Variants in HSPA12A observed in about 807,000 individuals in gnomAD.
HSPA12A encodes heat shock 70 kDa protein 12A.
Under a neutral mutation model 69.2 loss-of-function variants are expected in HSPA12A, and 28 were observed. The observed-to-expected ratio is 0.40, with a 90% CI of 0.30 to 0.55. HSPA12A has a LOEUF of 0.55. Ranked by LOEUF, HSPA12A falls within the 20% of genes least tolerant of loss-of-function variation. The pLI, the probability that HSPA12A is intolerant of heterozygous loss-of-function variation, is 0.38. For missense variants in HSPA12A, 686 were observed against 900.7 expected (o/e 0.76, Z 3.05); for synonymous variants, 345 against 370.5 (o/e 0.93, Z 0.79).
chr10:116,750,674 G>A, intron 2 of HSPA12A: 1 of 183,590 alleles, frequency 5.4e-6, no homozygotes, highest in Non-Finnish European at 1.1e-5. Flanking sequence ...ACCCAAGAAA[G>A]AAGTTTAAAT....
chr10:116,695,283 T>C (rs1849853689), intron 5 of HSPA12A, among the ~76,000 whole-genome samples: 2 of 152,114 alleles, frequency 1.3e-5, no homozygotes, highest in East Asian at 1.9e-4. Context: ...ACTCATGTGT[T>C]GGAAATGTAC....
intron 1 of HSPA12A, among the ~76,000 whole-genome samples, chr10:116,719,126 C>G (rs1044461268): frequency 6.6e-6 from 1 of 152,178 alleles, no homozygotes; most frequent in Admixed American, 6.5e-5. Context: ...CTTAACTAAA[C>G]CCCAATTTTT....
rs918827626 is a variant in HSPA12A at position 116,673,732 on chromosome 10, T to C, written c.*1049A>G. Reference sequence around the variant, plus strand: ...GAGAGACTTGAAAAACTGAAGATTTTAATGAAACATTGCATAGCACAGATT... The same window carrying C: ...GAGAGACTTGAAAAACTGAAGATTTCAATGAAACATTGCATAGCACAGATT... On this transcript the variant is annotated 3_prime_UTR_variant, in exon 12 of 12. Transcript: ENST00000369209. The C allele has an allele frequency of 6.6e-6, 1 of 152,250 alleles. No homozygotes were observed. Among genetic ancestry groups the C allele is most frequent in the Non-Finnish European group, 1.5e-5 (1 of 68,050 alleles). 9.4% of individuals were successfully genotyped at this position (152,250 alleles called of 1,614,324 possible). A position where few individuals can be genotyped will look rare whatever the true frequency, so the allele number is the denominator to read the frequency against.
chr10:116,848,308 G>A (rs890534806), intron 1 of HSPA12A, among the ~76,000 whole-genome samples: 2 of 152,234 alleles, frequency 1.3e-5, no homozygotes, highest in Non-Finnish European at 2.9e-5. Flanking sequence ...AGAACACGGA[G>A]GAAGTTTGGA....
At chr10:116,714,121 A>AGATG (rs1283201273) in intron 1 of HSPA12A, among the ~76,000 whole-genome samples, 4 of 151,348 alleles carry the variant, frequency 2.6e-5, no homozygotes, top group African/African-American at 9.7e-5. Flanking sequence ...GTAAGTGGAT[A>AGATG]GATGGATGGA....
At chr10:116,695,668 T>A (rs984945354) in intron 5 of HSPA12A, among the ~76,000 whole-genome samples, 3 of 151,742 alleles carry the variant, frequency 2.0e-5, no homozygotes, top group Non-Finnish European at 2.9e-5. Flanking sequence ...TACAAAAAAT[T>A]AGCCAGGCAT....
At chr10:116,781,104 G>A (rs1480162416) in intron 2 of HSPA12A, among the ~76,000 whole-genome samples, 2 of 152,078 alleles carry the variant, frequency 1.3e-5, no homozygotes, top group Non-Finnish European at 2.9e-5. Flanking sequence ...GAGACTAAGT[G>A]TTACCTAGTG....
chr10:116,743,287 C>T (rs1851574106), upstream of HSPA12A, among the ~76,000 whole-genome samples: 1 of 152,240 alleles, frequency 6.6e-6, no homozygotes, highest in South Asian at 2.1e-4. Context: ...ATGATTCATA[C>T]TCCCTGTCCC....
intron 3 of HSPA12A, among the ~76,000 whole-genome samples, chr10:116,704,537 C>G (rs1020482213): frequency 6.6e-6 from 1 of 151,944 alleles, no homozygotes; most frequent in Non-Finnish European, 1.5e-5. Flanking sequence ...GTGCAGCACA[C>G]CAACATGGCA....
intron 2 of HSPA12A, among the ~76,000 whole-genome samples, chr10:116,786,014 CT>C (rs1314262940): frequency 3.9e-5 from 6 of 152,188 alleles, no homozygotes; most frequent in African/African-American, 9.7e-5. Context: ...GTCATGAGGC[CT>C]TTGCTGATCT....
chr10:116,848,368 T>C (rs1237461172), intron 1 of HSPA12A, among the ~76,000 whole-genome samples: 1 of 152,262 alleles, frequency 6.6e-6, no homozygotes, highest in Admixed American at 6.5e-5. Context: ...CACATTTTTA[T>C]GCATCTGCAC....
intron 1 of HSPA12A, among the ~76,000 whole-genome samples, chr10:116,738,529 T>C (rs1461869954): frequency 2.0e-5 from 3 of 152,176 alleles, no homozygotes; most frequent in Non-Finnish European, 2.9e-5. Context: ...TTCAAAGCCC[T>C]CAATTGCCTT....
intron 9 of HSPA12A, 106 bp from the exon 10 acceptor site, chr10:116,679,867 TGG>T: frequency 8.7e-7 from 1 of 1,142,974 alleles, no homozygotes; most frequent in Non-Finnish European, 1.3e-6. Context: ...CACTTAGCAA[TGG>T]GACGGCAGCT....
At chr10:116,695,942 G>T (rs903882633) in intron 5 of HSPA12A, among the ~76,000 whole-genome samples, 2 of 145,334 alleles carry the variant, frequency 1.4e-5, no homozygotes, top group African/African-American at 5.1e-5. Flanking sequence ...GGCAGAGGTT[G>T]TGGTGAGCCG....
intron 1 of HSPA12A, chr10:116,849,447 A>C (rs543642456): frequency 2.2e-6 from 3 of 1,337,440 alleles, no homozygotes; most frequent in African/African-American, 1.5e-5. Flanking sequence ...CCGCAGGAAG[A>C]ACCTAGGCCT....
intron 1 of HSPA12A, among the ~76,000 whole-genome samples, chr10:116,719,707 G>A (rs1554884172): frequency 6.6e-6 from 1 of 152,196 alleles, no homozygotes; most frequent in Non-Finnish European, 1.5e-5. Flanking sequence ...CTTAACAAGT[G>A]TACCTATTAT....
intron 2 of HSPA12A, among the ~76,000 whole-genome samples, chr10:116,789,708 T>C (rs917219535): frequency 2.0e-5 from 3 of 152,172 alleles, no homozygotes; most frequent in East Asian, 1.9e-4. Flanking sequence ...ATCCAGGATA[T>C]TGACTATCAA....
intron 2 of HSPA12A, among the ~76,000 whole-genome samples, chr10:116,752,918 C>T (rs557590879): frequency 2.0e-5 from 3 of 152,318 alleles, no homozygotes; most frequent in South Asian, 4.1e-4. Flanking sequence ...AGTAATGACT[C>T]CTGACCTGCC....
At chr10:116,847,178 C>A (rs1272313460) in intron 1 of HSPA12A, among the ~76,000 whole-genome samples, 1 of 152,160 alleles carries the variant, frequency 6.6e-6, no homozygotes, top group African/African-American at 2.4e-5. Context: ...ATCCTATTTC[C>A]GTTAACTATC....
Sources: gnomAD v4.1 joint callset for allele counts (sites outside exome capture counted in the v4.1 genomes callset) on GRCh38, gnomAD v4.1.1 for gene constraint, MANE v1.5 for transcripts, NCBI Gene and HGNC (gene_info 2026-07-23, HGNC 2026-07-21) for gene names.